ACTN2: variants seen among roughly 807,000 people sequenced by gnomAD.
The protein encoded by ACTN2 is actinin alpha 2.
Under a neutral mutation model 113.8 loss-of-function variants are expected in ACTN2, and 39 were observed. That is an observed-to-expected ratio of 0.34 (90% CI 0.27 to 0.45). The LOEUF (loss-of-function observed/expected upper bound fraction) is 0.45. ACTN2 is among the 20% of genes least tolerant of loss of function. The pLI is 1.00. For synonymous variants in ACTN2, 429 were observed against 444.1 expected, an observed-to-expected ratio of 0.97 and a Z score of 0.43; for missense variants, 992 against 1,177.9, an observed-to-expected ratio of 0.84 and a Z score of 2.31.
chr1:236,690,763 A>C (rs1666050990), intron 1 of ACTN2, among the ~76,000 whole-genome samples: 1 of 152,198 alleles, frequency 6.6e-6, no homozygotes. Flanking sequence ...GGAAATACAC[A>C]TAACAGAAAA....
intron 6 of ACTN2, among the ~76,000 whole-genome samples, chr1:236,730,690 A>G (rs1036805112): frequency 6.6e-6 from 1 of 152,112 alleles, no homozygotes; most frequent in African/African-American, 2.4e-5. Flanking sequence ...AATTTTTTTC[A>G]TGAATTCACT....
intron 1 of ACTN2, among the ~76,000 whole-genome samples, chr1:236,692,718 C>G (rs1051629694): frequency 6.6e-6 from 1 of 152,144 alleles, no homozygotes; most frequent in Non-Finnish European, 1.5e-5. Context: ...TTTGGGACAC[C>G]GTGATGTGTC....
rs201700660 is a variant in ACTN2, at chr1:236,761,059, C to T, written c.2412C>T (p.Asn804=). The change falls in exon 20 of 21, where the codon AAC becomes AAT. Residue 804 remains asparagine (N), a synonymous_variant. Transcript: ENST00000366578. ...FARIMTLVDP[N]GQGTVTFQSF... ...GCATTATGACCCTGGTAGATCCCAA[C>T]GGGCAAGGCACCGTCACCTTCCAAT... 99 of 1,614,064 alleles carry T rather than the reference C, an allele frequency of 6.1e-5. 1 individual carries two copies. The highest frequency in any genetic ancestry group is 1.6e-4 in the South Asian group (15 of 91,090).
At chr1:236,711,494 A>C (rs1032559858) in intron 1 of ACTN2, among the ~76,000 whole-genome samples, 1 of 152,152 alleles carries the variant, frequency 6.6e-6, no homozygotes, top group African/African-American at 2.4e-5. Flanking sequence ...GATTACAGGC[A>C]TGCGCCACCA....
intron 1 of ACTN2, among the ~76,000 whole-genome samples, chr1:236,711,976 A>T (rs1658040887): frequency 6.6e-6 from 1 of 152,152 alleles, no homozygotes; most frequent in Admixed American, 6.6e-5. Flanking sequence ...CATTTCCCTT[A>T]AGAAAGGACA....
At chr1:236,697,795 A>C (rs1304334823) in intron 1 of ACTN2, among the ~76,000 whole-genome samples, 1 of 113,192 alleles carries the variant, frequency 8.8e-6, no homozygotes, top group Non-Finnish European at 1.8e-5. Context: ...AGAGTCTTTT[A>C]CTCTGTCACC....
At chr1:236,716,816 A>C (rs1658228792) in intron 1 of ACTN2, among the ~76,000 whole-genome samples, 1 of 148,714 alleles carries the variant, frequency 6.7e-6, no homozygotes, top group African/African-American at 2.5e-5. Flanking sequence ...CCTCTCCTCT[A>C]AAGCAACACA....
intron 19 of ACTN2, 49 bp from the exon 20 acceptor site, chr1:236,760,966 G>T: frequency 1.2e-6 from 2 of 1,613,072 alleles, no homozygotes; most frequent in East Asian, 2.2e-5. Flanking sequence ...CGGCTCTGTT[G>T]AGAGTTGTGT....
chr1:236,741,926 C>G (rs1423104465), intron 10 of ACTN2, among the ~76,000 whole-genome samples: 1 of 152,202 alleles, frequency 6.6e-6, no homozygotes, highest in Non-Finnish European at 1.5e-5. Context: ...AAACGCATCT[C>G]TCCCTCTGCC....
At chr1:236,700,802 A>G (rs907349346) in intron 1 of ACTN2, among the ~76,000 whole-genome samples, 3 of 152,228 alleles carry the variant, frequency 2.0e-5, no homozygotes, top group African/African-American at 7.2e-5. Flanking sequence ...CCGTCTTGCC[A>G]AGACTGCTTC....
At chr1:236,727,643 A>C (rs1268911143) in intron 5 of ACTN2, 35 bp from the exon 6 acceptor site, 1 of 1,609,758 alleles carries the variant, frequency 6.2e-7, no homozygotes, top group Non-Finnish European at 8.5e-7. Flanking sequence ...TCTCTCCACT[A>C]ACACGTGTTC....
chr1:236,740,887 G>A (rs1449291698), intron 10 of ACTN2, among the ~76,000 whole-genome samples: 1 of 152,004 alleles, frequency 6.6e-6, no homozygotes, highest in Non-Finnish European at 1.5e-5. Context: ...TGGCCCTCCT[G>A]TTTCTTCCTC....
At chr1:236,735,608 G>A (rs372715518) in intron 7 of ACTN2, 27 bp from the exon 8 acceptor site, 83 of 1,585,088 alleles carry the variant, frequency 5.2e-5, no homozygotes, top group South Asian at 1.8e-4. Context: ...GTGTGCGCGC[G>A]TCCTGTGTTA....
chr1:236,751,742 A>G (rs1321577594), intron 15 of ACTN2, 90 bp downstream of exon 15: 2 of 1,479,872 alleles, frequency 1.4e-6, no homozygotes, highest in African/African-American at 2.8e-5. Context: ...ACTTAGGGTG[A>G]CGGCCTCATT....
intron 6 of ACTN2, among the ~76,000 whole-genome samples, chr1:236,729,810 G>C (rs1658663661): frequency 6.6e-6 from 1 of 152,140 alleles, no homozygotes; most frequent in African/African-American, 2.4e-5. Flanking sequence ...CAAAATGAGG[G>C]GATTGTACTG....
intron 1 of ACTN2, among the ~76,000 whole-genome samples, chr1:236,712,112 AAAC>A (rs1658044871): frequency 1.3e-5 from 2 of 152,212 alleles, no homozygotes; most frequent in African/African-American, 2.4e-5. Flanking sequence ...GTTGCGATAC[AAAC>A]AACAAGAAAG....
chr1:236,751,594 G>A lies in ACTN2; in HGVS notation c.1781G>A (p.Ser594Asn). 1 of 1,614,058 alleles carries A rather than the reference G, an allele frequency of 6.2e-7. No homozygotes were observed. The highest frequency in any genetic ancestry group is 1.1e-5 in the South Asian group (1 of 91,070). Reference protein sequence around the residue: ...KVIQSYNIRISSSNPYSTVTM... With the variant: ...KVIQSYNIRINSSNPYSTVTM... ...ATTCAGAGCTACAACATCAGAATCA[G>A]CTCAAGCAACCCGTACAGCACTGTC... Residue 594 changes from serine (S) to asparagine (N), a missense_variant, in exon 15 of 21, where the codon AGC (serine) becomes AAC (asparagine). By Grantham distance (46) the Ser-to-Asn change is conservative. This residue lies in a region of ACTN2 where 736 missense variants were observed against 815.4 expected (regional missense o/e 0.90). Coordinates refer to ENST00000366578, the MANE Select transcript of ACTN2 (RefSeq NM_001103.4).
chr1:236,728,443 C>T (rs1658623514), intron 6 of ACTN2, among the ~76,000 whole-genome samples: 1 of 152,184 alleles, frequency 6.6e-6, no homozygotes. Flanking sequence ...GTGCCCGGCC[C>T]ATCCAAGCCT....
rs952234966 is a variant in ACTN2 at position 236,754,639 on chromosome 1, G to C, written c.1975-380G>C. ...GAAATTCTGATGGAGGAAGCATCCCGTGGGTCTTCAATCTGTCTGGCAGCT... is the reference window on the plus strand; with the variant it reads ...GAAATTCTGATGGAGGAAGCATCCCCTGGGTCTTCAATCTGTCTGGCAGCT... On this transcript the variant is annotated intron_variant, in intron 16 of 20. Transcript: ENST00000366578. This position sits in a 1 kb window ranked among gnomAD's most constrained non-coding sequence, Gnocchi z 4.9. Among the ~76,000 whole-genome samples the C allele has an allele frequency of 6.6e-6, 1 of 152,128 alleles. No individual in the cohort carries two copies. Among genetic ancestry groups the C allele is most frequent in the Admixed American group, 6.5e-5 (1 of 15,282 alleles).
Sources: gnomAD v4.1 joint callset for allele counts (sites outside exome capture counted in the v4.1 genomes callset) on GRCh38, gnomAD v4.1.1 for gene constraint, gnomAD v4.1.1 regional missense constraint, Gnocchi (gnomAD v3.1) non-coding constraint, MANE v1.5 for transcripts, NCBI Gene and HGNC (gene_info 2026-07-23, HGNC 2026-07-21) for gene names.